The following SYTL3 variants were observed in gnomAD, a reference collection of about 807,000 sequenced individuals.
SYTL3 encodes the protein synaptotagmin-like protein 3.
A neutral mutation model predicts 82.1 loss-of-function variants in SYTL3; 88 were observed. That is an observed-to-expected ratio of 1.07 (90% confidence interval 0.90 to 1.28). The LOEUF (loss-of-function observed/expected upper bound fraction) is 1.28, where lower values mean the gene tolerates loss of function less well. Among genes scored for constraint, SYTL3 ranks in the 50% most tolerant of loss-of-function variants. The probability of loss-of-function intolerance (pLI) is 0.00; values close to 1 mark genes in which losing one functional copy is unlikely to be tolerated. For missense variants in SYTL3, 831 were observed against 757.6 expected, an observed-to-expected ratio of 1.10 and a Z score of -1.14; for synonymous variants, 311 against 289.4, an observed-to-expected ratio of 1.07 and a Z score of -0.76.
Position 158,764,828 on chromosome 6 carries a change from AT to A in SYTL3, c.*225del, listed in dbSNP as rs1004482559. 3 of 415,378 alleles carry A rather than the reference AT, an allele frequency of 7.2e-6. No homozygotes were observed. The highest frequency in any genetic ancestry group is 1.3e-5 in the Non-Finnish European group (3 of 232,038). The allele number at this position is 415,378 out of a possible 1,614,324, so 25.7% of individuals were successfully genotyped here. ...TCTGGTGGGTTATCTCCTCTTTGAG[AT>A]GTAGAAAATGGCCAGATTTTAATAA... On this transcript the variant is annotated 3_prime_UTR_variant, in exon 18 of 18. Transcript: ENST00000611299.
At chr6:158,645,086 A>G (rs2128338839), upstream of SYTL3, among the ~76,000 whole-genome samples, 1 of 152,252 alleles carries the variant, frequency 6.6e-6, no homozygotes, top group South Asian at 2.1e-4. Context: ...CGGACGTTCA[A>G]ACCCGCTCGG....
At position 158,725,619 on chromosome 6, in the gene SYTL3, C is replaced by A. The variant is rs1784623458; in HGVS notation, c.837C>A (p.Phe279Leu). Residue 279 changes from phenylalanine to leucine, a missense_variant, in exon 11 of 18, where the codon TTC becomes TTA. Phe to Leu is a conservative substitution (Grantham distance 22, BLOSUM62 0). Coordinates refer to ENST00000611299, the MANE Select transcript of SYTL3 (RefSeq NM_001242394.2). The part of the protein sequence containing the change: ...LPSSPAPSTI[F>L]SGGFRHGSLI... Reference sequence around the variant, plus strand: ...CCAGTCCGGCACCCAGTACCATATTCTCTGGAGGTTTTAGACACGTGAGTC... The same window carrying A: ...CCAGTCCGGCACCCAGTACCATATTATCTGGAGGTTTTAGACACGTGAGTC... 1 of 1,614,082 alleles carries A rather than the reference C, an allele frequency of 6.2e-7. No homozygotes were observed. The highest frequency in any genetic ancestry group is 1.3e-5 in the African/African-American group (1 of 75,038).
chr6:158,674,431 G>A (rs77423838), intron 5 of SYTL3, among the ~76,000 whole-genome samples: 5,090 of 152,230 alleles, frequency 0.033, 318 homozygotes, highest in African/African-American at 0.12. Context: ...CTGGTTCCAC[G>A]GTGATGCACG....
intron 10 of SYTL3, among the ~76,000 whole-genome samples, chr6:158,718,520 G>A (rs1263832379): frequency 6.6e-6 from 1 of 152,216 alleles, no homozygotes; most frequent in African/African-American, 2.4e-5. Context: ...AAGCCCAAGG[G>A]CTTCCTGCAG....
At chr6:158,660,036 A>G (rs1789176691) in intron 2 of SYTL3, among the ~76,000 whole-genome samples, 2 of 152,082 alleles carry the variant, frequency 1.3e-5, no homozygotes, top group South Asian at 4.2e-4. Flanking sequence ...ACACTTTGGG[A>G]CGCCGAGGGC....
In SYTL3 at chr6:158,677,687, A is replaced by G. The variant is rs1370357289; in HGVS notation, c.330-5238A>G. On this transcript the variant is annotated intron_variant, in intron 5 of 17. Coordinates refer to ENST00000611299, the MANE Select transcript of SYTL3 (RefSeq NM_001242394.2). ...GTCATTGCACTCCAGCCTGGGTGACAAGAATGAAACTCTGTCTCAAAAAAA... is the reference window on the plus strand; with the variant it reads ...GTCATTGCACTCCAGCCTGGGTGACGAGAATGAAACTCTGTCTCAAAAAAA... 2.1e-5 allele frequency among the ~76,000 whole-genome samples: 3 copies of G among 143,504 alleles called. No homozygotes were observed. The South Asian group carries it at 6.7e-4, about 32-fold the overall frequency. 94.1% of individuals were successfully genotyped at this position (143,504 alleles called of 152,430 possible). A position where few individuals can be genotyped will look rare whatever the true frequency, so the allele number is the denominator to read the frequency against.
At chr6:158,670,890 C>T (rs1447901385) in intron 5 of SYTL3, among the ~76,000 whole-genome samples, 1 of 151,932 alleles carries the variant, frequency 6.6e-6, no homozygotes, top group Non-Finnish European at 1.5e-5. Context: ...GCAAGCTCCG[C>T]CTCCTGGGTT....
chr6:158,761,595 A>C (rs190997202), intron 15 of SYTL3, among the ~76,000 whole-genome samples: 211 of 152,280 alleles, frequency 1.4e-3, no homozygotes, highest in Non-Finnish European at 2.4e-3. Context: ...GGCGTGAGCC[A>C]CCACGCCCGG....
At chr6:158,663,571 C>T (rs1205397313) in intron 4 of SYTL3, 193 bp downstream of exon 4, 1 of 985,122 alleles carries the variant, frequency 1.0e-6, no homozygotes, top group Non-Finnish European at 1.2e-6. Context: ...AGAGGACGCT[C>T]AGGAGGAGGA....
At chr6:158,764,060 A>G (rs970946156) in intron 17 of SYTL3, among the ~76,000 whole-genome samples, 10 of 152,282 alleles carry the variant, frequency 6.6e-5, no homozygotes, top group Non-Finnish European at 1.3e-4. Flanking sequence ...CTGAAGAGAA[A>G]TAAGCTTCAC....
intron 13 of SYTL3, among the ~76,000 whole-genome samples, chr6:158,756,710 CAA>C (rs375826558): frequency 0.32 from 30,030 of 95,242 alleles, 7,225 homozygotes; most frequent in East Asian, 0.86. Context: ...GATCCTGTCT[CAA>C]AAAAAAATTT....
chr6:158,678,759 T>C (rs918242982), intron 5 of SYTL3, among the ~76,000 whole-genome samples: 1 of 152,160 alleles, frequency 6.6e-6, no homozygotes, highest in African/African-American at 2.4e-5. Context: ...GTCTCCTGAT[T>C]CTATAGCTTC....
intron 11 of SYTL3, among the ~76,000 whole-genome samples, chr6:158,729,134 G>A (rs1785089354): frequency 6.6e-6 from 1 of 152,222 alleles, no homozygotes; most frequent in Non-Finnish European, 1.5e-5. Context: ...TGGATTCTTG[G>A]GTGAGGGGCC....
At chr6:158,672,301 T>C (rs4458718) in intron 5 of SYTL3, among the ~76,000 whole-genome samples, 14,623 of 152,108 alleles carry the variant, frequency 0.096, 1,514 homozygotes, top group African/African-American at 0.25. Flanking sequence ...AAAAAAAGTT[T>C]TTCCCCAGGA....
rs1562347310 is a variant in SYTL3, at chr6:158,663,389, C to G, written c.110+11C>G. ...GGAGGAGAGGACACGGTAGGCTGCC[C>G]TTCCCGGGGGGTCACTTTGGGTGTT... On this transcript the variant is annotated intron_variant, in intron 4 of 17. Transcript: ENST00000611299. The G allele has an allele frequency of 6.2e-7, 1 of 1,612,696 alleles. No homozygotes were observed. Among genetic ancestry groups the G allele is most frequent in the Non-Finnish European group, 8.5e-7 (1 of 1,179,768 alleles).
intron 6 of SYTL3, among the ~76,000 whole-genome samples, chr6:158,694,254 TC>T (rs2128427391): frequency 6.6e-6 from 1 of 152,272 alleles, no homozygotes; most frequent in Non-Finnish European, 1.5e-5. Context: ...TCCCTGTGTT[TC>T]TAGATAATAA....
intron 2 of SYTL3, among the ~76,000 whole-genome samples, chr6:158,655,924 G>A (rs934262792): frequency 6.6e-6 from 1 of 152,206 alleles, no homozygotes; most frequent in Non-Finnish European, 1.5e-5. Flanking sequence ...AGAAGGAAGA[G>A]TGGGGCCGAT....
intron 6 of SYTL3, among the ~76,000 whole-genome samples, chr6:158,702,667 G>A (rs34546308): frequency 0.29 from 44,110 of 151,908 alleles, 6,667 homozygotes; most frequent in Non-Finnish European, 0.33. Context: ...CGGTGACCCC[G>A]TGTCTGTACA....
intron 2 of SYTL3, among the ~76,000 whole-genome samples, chr6:158,655,770 A>G (rs1348235213): frequency 1.3e-5 from 2 of 152,180 alleles, no homozygotes; most frequent in African/African-American, 4.8e-5. Flanking sequence ...TACTTCGTAG[A>G]TGAGGACATG....
Sources: gnomAD v4.1 joint callset for allele counts (sites outside exome capture counted in the v4.1 genomes callset) on GRCh38, gnomAD v4.1.1 for gene constraint, MANE v1.5 for transcripts, NCBI Gene and HGNC (gene_info 2026-07-23, HGNC 2026-07-21) for gene names.